Variants in HECA observed in about 807,000 individuals in gnomAD.
HECA encodes HECA ribonucleoprotein granule regulator.
In HECA, 13 loss-of-function variants were observed where a neutral mutation model predicts 37.6. That is an observed-to-expected ratio of 0.35 (90% CI 0.23 to 0.55). The LOEUF (loss-of-function observed/expected upper bound fraction) is 0.55, where lower values mean the gene tolerates loss of function less well. Among genes scored for constraint, HECA ranks in the 20% least tolerant of loss-of-function variants. HECA has a pLI of 0.90. For synonymous variants in HECA, 307 were observed against 291.5 expected, an observed-to-expected ratio of 1.05 and a Z score of -0.54; for missense variants, 527 against 701.9, an observed-to-expected ratio of 0.75 and a Z score of 2.82.
intron 2 of HECA, among the ~76,000 whole-genome samples, chr6:139,167,577 G>A (rs1774909610): frequency 1.3e-5 from 2 of 152,178 alleles, no homozygotes; most frequent in South Asian, 4.1e-4. Context: ...GATTGCCGGT[G>A]TATGGTTTTG....
intron 1 of HECA, among the ~76,000 whole-genome samples, chr6:139,157,028 A>G (rs1428032962): frequency 6.6e-6 from 1 of 152,156 alleles, no homozygotes; most frequent in African/African-American, 2.4e-5. Context: ...AAGAATGGCT[A>G]CTCCATAGAC....
At chr6:139,154,513 G>T (rs1296327979) in intron 1 of HECA, among the ~76,000 whole-genome samples, 3 of 152,232 alleles carry the variant, frequency 2.0e-5, no homozygotes, top group African/African-American at 7.2e-5. Context: ...ATTTTGAACA[G>T]CAGGGAGTTG....
rs750992864 is a variant in HECA, at chr6:139,167,237, G to A, written c.1225G>A (p.Glu409Lys). Reference protein sequence around the residue: ...ALCHRALPVFEQFPLVDGTLF... With the variant: ...ALCHRALPVFKQFPLVDGTLF... ...GTGCCACCGGGCGCTCCCGGTGTTCGAACAGTTCCCACTGGTGGATGGAAC... is the reference window on the plus strand; with the variant it reads ...GTGCCACCGGGCGCTCCCGGTGTTCAAACAGTTCCCACTGGTGGATGGAAC... The change falls in exon 2 of 4, where the codon GAA becomes AAA. Residue 409 changes from glutamate to lysine, a missense_variant. By Grantham distance (56) the Glu-to-Lys change is moderately conservative. This residue lies in a region of HECA where 106 missense variants were observed against 193.4 expected (regional missense o/e 0.55). Coordinates refer to ENST00000367658, the MANE Select transcript of HECA (RefSeq NM_016217.3). The A allele has an allele frequency of 7.4e-6, 12 of 1,614,122 alleles. No homozygotes were observed. The highest frequency in any genetic ancestry group is 1.1e-5 in the South Asian group (1 of 91,076).
intron 1 of HECA, among the ~76,000 whole-genome samples, chr6:139,155,189 T>C (rs1039521609): frequency 2.0e-5 from 3 of 152,210 alleles, no homozygotes; most frequent in Admixed American, 6.5e-5. Context: ...TTGAATACTG[T>C]AGGCAATTGG....
intron 2 of HECA, chr6:139,169,581 TAGTGGTTTAAA>T (rs1774943458): frequency 6.6e-6 from 1 of 152,190 alleles, no homozygotes; most frequent in Non-Finnish European, 1.5e-5. Flanking sequence ...TTCCAAAACT[TAGTGGTTTAAA>T]AGGATAATTT....
intron 1 of HECA, among the ~76,000 whole-genome samples, chr6:139,137,951 T>C (rs977929004): frequency 3.3e-5 from 5 of 152,130 alleles, no homozygotes; most frequent in South Asian, 2.1e-4. Flanking sequence ...ATGTAACTTA[T>C]ATTAGAGGAG....
intron 1 of HECA, among the ~76,000 whole-genome samples, chr6:139,136,446 G>A (rs1774437666): frequency 2.0e-5 from 3 of 152,052 alleles, no homozygotes. Flanking sequence ...CAGAGCCATG[G>A]TTTTCGTTAT....
At chr6:139,145,220 C>A (rs911215704) in intron 1 of HECA, among the ~76,000 whole-genome samples, 1 of 152,160 alleles carries the variant, frequency 6.6e-6, no homozygotes, top group African/African-American at 2.4e-5. Flanking sequence ...CAGTGGTTAG[C>A]GAAATAGCAA....
chr6:139,135,447 C>T lies in HECA; in HGVS notation c.51C>T (p.Asn17=). Residue 17 remains asparagine (N), a synonymous_variant, in exon 1 of 4, where the codon AAC becomes AAT. Transcript: ENST00000367658. ...GCGGCCGCAAAAACAAGCGCGCCAA[C>T]AGCAGCGGCGACGAGCAGGAAAATG... ...SKGGRKNKRA[N]SSGDEQENGA... 1 of 1,363,878 alleles carries T rather than the reference C, an allele frequency of 7.3e-7. No homozygotes were observed. The highest frequency in any genetic ancestry group is 9.6e-7 in the Non-Finnish European group (1 of 1,036,270). The allele number at this position is 1,363,878 out of a possible 1,614,324, so 84.5% of individuals were successfully genotyped here. A position where few individuals can be genotyped will look rare whatever the true frequency, so the allele number is the denominator to read the frequency against.
chr6:139,151,604 T>C (rs1255278570), intron 1 of HECA, among the ~76,000 whole-genome samples: 1 of 152,214 alleles, frequency 6.6e-6, no homozygotes. Flanking sequence ...CAGATTGACT[T>C]TCTTGTCATT....
intron 2 of HECA, among the ~76,000 whole-genome samples, chr6:139,172,842 T>C (rs1451322354): frequency 6.6e-6 from 1 of 152,240 alleles, no homozygotes; most frequent in African/African-American, 2.4e-5. Flanking sequence ...TATTCTGTAA[T>C]GCTGCTGTTA....
Position 139,136,267 on chromosome 6 carries a change from TAAAAAAA to T in HECA, c.271+613_271+619del, listed in dbSNP as rs71674341. ...TTGACTTCCGTTCTCAGCCCGGAGT[TAAAAAAA>T]AAAAAAAAAAAAGAAAAGAAAGAAA... On this transcript the variant is annotated intron_variant, in intron 1 of 3. Coordinates refer to ENST00000367658, the MANE Select transcript of HECA (RefSeq NM_016217.3). Among the ~76,000 whole-genome samples the T allele has an allele frequency of 7.0e-4, 93 of 132,038 alleles. 1 individual carries two copies. Among genetic ancestry groups the T allele is most frequent in the African/African-American group, 2.5e-3 (88 of 35,738 alleles). The allele number at this position is 132,038 out of a possible 152,430, so 86.6% of individuals were successfully genotyped here.
intron 1 of HECA, among the ~76,000 whole-genome samples, chr6:139,153,686 T>A (rs139155020): frequency 0.011 from 1,599 of 152,280 alleles, 28 homozygotes; most frequent in African/African-American, 0.037. Flanking sequence ...CCCAAAGTGC[T>A]GGGATTACAG....
Position 139,135,601 on chromosome 6 carries a change from G to T in HECA, c.205G>T (p.Ala69Ser), listed in dbSNP as rs1774422864. 22 of 964,994 alleles carry T rather than the reference G, an allele frequency of 2.3e-5. No homozygotes were observed. Among genetic ancestry groups the T allele is most frequent in the Non-Finnish European group, 2.7e-5 (22 of 815,394 alleles). The allele number at this position is 964,994 out of a possible 1,614,324, so 59.8% of individuals were successfully genotyped here. A position where few individuals can be genotyped will look rare whatever the true frequency, so the allele number is the denominator to read the frequency against. The change falls in exon 1 of 4, where the codon GCG (alanine) becomes TCG (serine). Residue 69 changes from alanine (A) to serine (S), a missense_variant. Around this residue, in one of 4 missense-constraint regions of HECA, gnomAD observed 172 missense variants for 197.6 expected, o/e 0.87. Coordinates refer to ENST00000367658, the MANE Select transcript of HECA (RefSeq NM_016217.3). ...GAGGAAGAGG[A>S]GTGAANAAAA... ...CGGAGGCGCGGCGGGCGCCGGAGGC[G>T]CGGGGACTGGCGCCGCGAACGCTGC...
At chr6:139,166,173 T>C (rs1774882544) in intron 1 of HECA, 111 bp from the exon 2 acceptor site, 2 of 862,456 alleles carry the variant, frequency 2.3e-6, no homozygotes, top group Admixed American at 5.0e-5. Flanking sequence ...TGGAACTGCC[T>C]TTCATTATAT....
chr6:139,140,855 A>G (rs1774504712), intron 1 of HECA, among the ~76,000 whole-genome samples: 1 of 152,104 alleles, frequency 6.6e-6, no homozygotes, highest in Non-Finnish European at 1.5e-5. Context: ...CAGTGGCACT[A>G]TCTCGGCTCA....
chr6:139,140,428 T>G (rs1403242593), intron 1 of HECA, among the ~76,000 whole-genome samples: 1 of 152,228 alleles, frequency 6.6e-6, no homozygotes, highest in Non-Finnish European at 1.5e-5. Flanking sequence ...TATTGCCTCA[T>G]GCATCAAAGA....
chr6:139,142,447 G>A (rs1454123115), intron 1 of HECA, among the ~76,000 whole-genome samples: 1 of 152,094 alleles, frequency 6.6e-6, no homozygotes, highest in Non-Finnish European at 1.5e-5. Context: ...GTTTGACATT[G>A]CTGTGGTCAG....
rs1342374328 is a variant in HECA at position 139,166,271 on chromosome 6, A to G, written c.272-13A>G. On this transcript the variant is annotated splice_polypyrimidine_tract_variant and intron_variant, in intron 1 of 3. Coordinates refer to ENST00000367658, the MANE Select transcript of HECA (RefSeq NM_016217.3). The stretch of plus-strand genomic sequence containing the variant: ...AAAATCTGAAATCTGTTCTCTCTTT[A>G]TTCCTCCCCCAGAAGCCCCATGTGC... The G allele has an allele frequency of 4.4e-6, 7 of 1,576,888 alleles. No homozygotes were observed. Among genetic ancestry groups the G allele is most frequent in the Non-Finnish European group, 6.0e-6 (7 of 1,160,090 alleles).
Sources: allele counts gnomAD v4.1 joint callset (sites outside exome capture counted in the v4.1 genomes callset), GRCh38; gene constraint gnomAD v4.1.1; regional missense constraint gnomAD v4.1.1; transcripts MANE v1.5; gene names NCBI Gene and HGNC (gene_info 2026-07-23, HGNC 2026-07-21).